The following ZNF597 variants were observed in gnomAD, a reference collection of about 807,000 sequenced individuals.
The protein encoded by ZNF597 is zinc finger protein 597.
ZNF597 carries 5 observed loss-of-function variants against 7.3 expected under a neutral mutation model. The ratio of observed to expected loss-of-function variants is 0.68; its 90% CI spans 0.36 to 1.44. The LOEUF is 1.44. ZNF597 is among the 40% of genes most tolerant of loss of function. The pLI is 0.04. For missense variants in ZNF597, 585 were observed against 517.9 expected, an observed-to-expected ratio of 1.13 and a Z score of -1.26; for synonymous variants, 209 against 185.4, an observed-to-expected ratio of 1.13 and a Z score of -1.04.
rs1336739103 is a variant in ZNF597, at chr16:3,443,328, T to C, written c.-54+32A>G. 4.8e-6 allele frequency: 3 copies of C among 620,656 alleles called. No homozygotes were observed. In the African/African-American group the frequency reaches 6.3e-5, roughly 13 times the overall value. The allele number at this position is 620,656 out of a possible 1,614,324, so 38.4% of individuals were successfully genotyped here. ...AAAAACCTACGCCGACTGCTCCTCC[T>C]CTTGGCCCGGCCTCGAAAGGGGCCC... On this transcript the variant is annotated intron_variant, in intron 1 of 3. Coordinates refer to ENST00000301744, the MANE Select transcript of ZNF597 (RefSeq NM_152457.3).
chr16:3,433,951 A>C lies in ZNF597; in HGVS notation c.*2473T>G, dbSNP rs2034276866. The C allele has an allele frequency of 6.6e-6, 1 of 150,412 alleles. No individual in the cohort carries two copies. The highest frequency in any genetic ancestry group is 1.5e-5 in the Non-Finnish European group (1 of 67,812). 9.3% of individuals were successfully genotyped at this position (150,412 alleles called of 1,614,324 possible). On this transcript the variant is annotated 3_prime_UTR_variant, in exon 4 of 4. Transcript: ENST00000301744. ...TCTAATCTTTTAGGAAGTTTGTCGT[A>C]ATCTTCCAAAATCTGGAGAAAACTG...
Position 3,437,562 on chromosome 16 carries a change from CA to C in ZNF597, c.161-25del, listed in dbSNP as rs1596266914. ...TCCTGTTGATAAAAACAAAAGAAAG[CA>C]AAACATAGACAATATCTTCAAGGGA... On this transcript the variant is annotated intron_variant, in intron 3 of 3. Coordinates refer to ENST00000301744, the MANE Select transcript of ZNF597 (RefSeq NM_152457.3). 7 of 1,564,360 alleles carry C rather than the reference CA, an allele frequency of 4.5e-6. No homozygotes were observed. The East Asian group carries it at 1.6e-4, about 35-fold the overall frequency.
rs202056080 is a variant in ZNF597, at chr16:3,437,431, G to T, written c.268C>A (p.Pro90Thr). ...ACTCCATCCTCAGAGGATTTTTCTG[G>T]GTAAGGGACAAGGGGTGCAGCAATG... ...YPIAAPLVPY[P>T]EKSSEDGVGN... The change falls in exon 4 of 4, where the codon CCA becomes ACA. Residue 90 changes from proline (P) to threonine (T), a missense_variant. Transcript: ENST00000301744. 2 of 1,614,074 alleles carry T rather than the reference G, an allele frequency of 1.2e-6. No homozygotes were observed. Among genetic ancestry groups the T allele is most frequent in the Admixed American group, 1.7e-5 (1 of 60,012 alleles).
chr16:3,443,226 T>A lies in ZNF597; in HGVS notation c.-53-20A>T, dbSNP rs574087822. On this transcript the variant is annotated intron_variant, in intron 1 of 3. Transcript: ENST00000301744. ...ACAAAGCTGCGGGGGGAGAGAACAGTTCTTAAAGGGACCAATTCCGCTGCC... is the reference window on the plus strand; with the variant it reads ...ACAAAGCTGCGGGGGGAGAGAACAGATCTTAAAGGGACCAATTCCGCTGCC... 6.7e-7 allele frequency: 1 copy of A among 1,494,518 alleles called. No homozygotes were observed. Among genetic ancestry groups the A allele is most frequent in the South Asian group, 1.2e-5 (1 of 81,230 alleles). 92.6% of individuals were successfully genotyped at this position (1,494,518 alleles called of 1,614,324 possible). A position where few individuals can be genotyped will look rare whatever the true frequency, so the allele number is the denominator to read the frequency against.
intron 3 of ZNF597, among the ~76,000 whole-genome samples, chr16:3,438,413 A>C (rs2034327681): frequency 6.6e-6 from 1 of 151,650 alleles, no homozygotes; most frequent in South Asian, 2.1e-4. Context: ...AATACAGAAA[A>C]TTAGCTGGGC....
At chr16:3,438,355 C>G (rs2034327113) in intron 3 of ZNF597, among the ~76,000 whole-genome samples, 1 of 151,718 alleles carries the variant, frequency 6.6e-6, no homozygotes, top group African/African-American at 2.4e-5. Context: ...ATCAGGAGAT[C>G]AAGACCATCC....
Position 3,436,648 on chromosome 16 carries a change from G to C in ZNF597, c.1051C>G (p.Pro351Ala), listed in dbSNP as rs761459222. Residue 351 changes from proline to alanine, a missense_variant, in exon 4 of 4, where the codon CCT becomes GCT. Physicochemically the swap from Pro to Ala is conservative, Grantham distance 27 (BLOSUM62 -1). Coordinates refer to ENST00000301744, the MANE Select transcript of ZNF597 (RefSeq NM_152457.3). ...TGGGAAATAAGCTCAGAGAAACAAG[G>C]AAAGGTCATGTCACAGTCAGGACAC... ...LQCPDCDMTF[P>A]CFSELISHQN... The C allele has an allele frequency of 1.2e-6, 2 of 1,610,022 alleles. No homozygotes were observed. Among genetic ancestry groups the C allele is most frequent in the East Asian group, 4.5e-5 (2 of 44,814 alleles).
chr16:3,436,979 A>G lies in ZNF597; in HGVS notation c.720T>C (p.Tyr240=), dbSNP rs549900749. The G allele has an allele frequency of 2.3e-4, 368 of 1,614,224 alleles. 6 individuals are homozygous for G. In the South Asian group the frequency reaches 3.8e-3, roughly 17 times the overall value. The part of the protein sequence containing the change: ...HMNSHVKEKP[Y]TCSICGRGFM... ...AACCTCTACCACATATGCTACATGT[A>G]TAGGGCTTCTCCTTTACGTGGCTAT... is the stretch of plus-strand genomic sequence containing the variant. The change falls in exon 4 of 4, where the codon TAT becomes TAC. Residue 240 remains tyrosine, a synonymous_variant. Coordinates refer to ENST00000301744, the MANE Select transcript of ZNF597 (RefSeq NM_152457.3).
Position 3,436,441 on chromosome 16 carries a change from T to C in ZNF597, c.1258A>G (p.Ile420Val). The C allele has an allele frequency of 3.1e-6, 5 of 1,612,710 alleles. No individual in the cohort carries two copies. The highest frequency in any genetic ancestry group is 4.2e-6 in the Non-Finnish European group (5 of 1,179,100). The change falls in exon 4 of 4, where the codon ATA (isoleucine) becomes GTA (valine). Residue 420 changes from isoleucine to valine, a missense_variant. Physicochemically the swap from Ile to Val is conservative, Grantham distance 29 (BLOSUM62 3). Transcript: ENST00000301744. ...TATTTACTTTACGTGGTGTTTTTTA[T>C]GTGAGTTCGCTTATGAGTAATGAGA... is the stretch of plus-strand genomic sequence containing the variant. ...LHLITHKRTH[I>V]KNTT
At chr16:3,442,329 G>C (rs1003474956) in intron 2 of ZNF597, among the ~76,000 whole-genome samples, 2 of 152,248 alleles carry the variant, frequency 1.3e-5, no homozygotes, top group African/African-American at 4.8e-5. Flanking sequence ...CGAGGTGGGA[G>C]GATAGCTGAA....
intron 3 of ZNF597, among the ~76,000 whole-genome samples, chr16:3,437,815 C>G (rs2034321443): frequency 6.6e-6 from 1 of 152,198 alleles, no homozygotes; most frequent in Non-Finnish European, 1.5e-5. Flanking sequence ...TAGCAGCTAT[C>G]TAGAGGTGAA....
rs760811391 is a variant in ZNF597 at position 3,443,113 on chromosome 16, C to G, written c.33+8G>C. The G allele has an allele frequency of 3.7e-6, 6 of 1,614,190 alleles. No homozygotes were observed. The Admixed American group carries it at 1.0e-4, about 27-fold the overall frequency. ...ATAAACTTGGACGAAAAAGGTACCT[C>G]GACTCACCTGGGCCTCGGGCGTCGG... is the stretch of plus-strand genomic sequence containing the variant. On this transcript the variant is annotated splice_region_variant and intron_variant, in intron 2 of 3. Transcript: ENST00000301744.
intron 2 of ZNF597, among the ~76,000 whole-genome samples, chr16:3,442,335 C>G (rs1047208006): frequency 7.2e-5 from 11 of 152,084 alleles, no homozygotes; most frequent in African/African-American, 2.7e-4. Context: ...GGGAGGATAG[C>G]TGAAGGCCAG....
intron 3 of ZNF597, among the ~76,000 whole-genome samples, chr16:3,439,485 C>A (rs1022640897): frequency 2.0e-5 from 3 of 152,206 alleles, no homozygotes; most frequent in Admixed American, 2.0e-4. Context: ...AATAACAGAG[C>A]AATAACCAGT....
In ZNF597 at chr16:3,433,155, TGAG is replaced by T. The variant is rs1303822148; in HGVS notation, c.*3266_*3268del. 3.9e-5 allele frequency: 6 copies of T among 152,228 alleles called. No homozygotes were observed. Among genetic ancestry groups the T allele is most frequent in the Non-Finnish European group, 7.3e-5 (5 of 68,046 alleles). 9.4% of individuals were successfully genotyped at this position (152,228 alleles called of 1,614,324 possible). The stretch of plus-strand genomic sequence containing the variant: ...TGGGTTAGTCATTTTCTATGTTAAA[TGAG>T]GAGGTGTCAATAGACTACCACCTGT... On this transcript the variant is annotated 3_prime_UTR_variant, in exon 4 of 4. Transcript: ENST00000301744.
chr16:3,438,456 G>A (rs181737475), intron 3 of ZNF597, among the ~76,000 whole-genome samples: 1 of 151,894 alleles, frequency 6.6e-6, no homozygotes, highest in East Asian at 1.9e-4. Flanking sequence ...CCAGCTACTC[G>A]GGAGGCTGAG....
chr16:3,442,809 CAGA>C (rs1326965919), intron 2 of ZNF597, among the ~76,000 whole-genome samples: 3 of 152,154 alleles, frequency 2.0e-5, no homozygotes, highest in Admixed American at 6.5e-5. Flanking sequence ...GCACTCCAGC[CAGA>C]CAAGCAACAC....
In ZNF597 at chr16:3,437,201, G is replaced by A. The variant is rs2270492; in HGVS notation, c.498C>T (p.Ser166=). The change falls in exon 4 of 4, where the codon AGC becomes AGT. Residue 166 remains serine (S), a synonymous_variant. Coordinates refer to ENST00000301744, the MANE Select transcript of ZNF597 (RefSeq NM_152457.3). ...GATGCAAAACTAGGTATGAATGATC[G>A]CTGAAGTTTTGGTCACACTCAGGAC... ...YKCPECDQNF[S]DHSYLVLHQK... The A allele has an allele frequency of 0.054, 86,387 of 1,614,096 alleles. 2,606 individuals are homozygous for A. The highest frequency in any genetic ancestry group is 0.058 in the Non-Finnish European group (68,785 of 1,180,012).
chr16:3,440,967 G>A (rs1170195774), intron 2 of ZNF597, 34 bp from the exon 3 acceptor site: 2 of 1,604,352 alleles, frequency 1.2e-6, no homozygotes, highest in Non-Finnish European at 1.7e-6. Context: ...GCACAAGAGG[G>A]TGGAGGGTCA....
Sources: allele counts gnomAD v4.1 joint callset (sites outside exome capture counted in the v4.1 genomes callset), GRCh38; gene constraint gnomAD v4.1.1; transcripts MANE v1.5; gene names NCBI Gene and HGNC (gene_info 2026-07-23, HGNC 2026-07-21).